PKD1L3: variants seen among roughly 807,000 people sequenced by gnomAD.
The protein encoded by PKD1L3 is polycystin 1 like 3, transient receptor potential channel interacting.
Under a neutral mutation model 184.1 loss-of-function variants are expected in PKD1L3, and 239 were observed. That is an observed-to-expected ratio of 1.30 (90% CI 1.17 to 1.45). PKD1L3 has a LOEUF of 1.45. PKD1L3 is among the 40% of genes most tolerant of loss of function. PKD1L3 has a pLI of 0.00. For missense variants in PKD1L3, 2,660 were observed against 2,067.2 expected, an observed-to-expected ratio of 1.29 and a Z score of -5.56; for synonymous variants, 996 against 778.8, an observed-to-expected ratio of 1.28 and a Z score of -4.64.
At chr16:71,972,591 G>T (rs535067202) in intron 12 of PKD1L3, among the ~76,000 whole-genome samples, 6 of 152,108 alleles carry the variant, frequency 3.9e-5, no homozygotes, top group African/African-American at 1.4e-4. Flanking sequence ...GTTTGAGGCA[G>T]GCGGATCTTT....
chr16:71,971,539 C>T (rs1180110225), intron 12 of PKD1L3, among the ~76,000 whole-genome samples: 1 of 152,130 alleles, frequency 6.6e-6, no homozygotes, highest in African/African-American at 2.4e-5. Flanking sequence ...CTTCAGCGTG[C>T]TTCAAGGAGG....
chr16:71,970,002 T>C lies in PKD1L3; in HGVS notation c.2057A>G (p.Asp686Gly), dbSNP rs762124928. The C allele has an allele frequency of 3.2e-6, 5 of 1,551,606 alleles. No individual in the cohort carries two copies. Among genetic ancestry groups the C allele is most frequent in the Middle Eastern group, 3.3e-4 (2 of 6,014 alleles). ...FVVPRTVNVE[D>G]TIKLFLRVTN... is the part of the protein sequence containing the mutation. ...CACGCGAAGGAACAGTTTGATCGTGTCTTCAACATTCACGGTCCTGGGCAC... is the reference window on the plus strand; with the variant it reads ...CACGCGAAGGAACAGTTTGATCGTGCCTTCAACATTCACGGTCCTGGGCAC... Residue 686 changes from aspartate to glycine, a missense_variant, in exon 13 of 30, where the codon GAC (aspartate) becomes GGC (glycine). Coordinates refer to ENST00000620267, the MANE Select transcript of PKD1L3 (RefSeq NM_181536.2).
At chr16:71,968,866 G>C (rs889914425) in intron 13 of PKD1L3, among the ~76,000 whole-genome samples, 1 of 151,874 alleles carries the variant, frequency 6.6e-6, no homozygotes, top group Non-Finnish European at 1.5e-5. Context: ...AGTGTGCTGG[G>C]ATTATAGGCG....
chr16:71,960,927 G>C (rs973372151), intron 16 of PKD1L3, among the ~76,000 whole-genome samples: 2 of 152,066 alleles, frequency 1.3e-5, no homozygotes, highest in African/African-American at 4.8e-5. Flanking sequence ...AACTGTATCA[G>C]GTCTAGGGAG....
rs779019786 is a variant in PKD1L3 at position 71,993,264 on chromosome 16, T to A, written c.487A>T (p.Lys163Ter). 1.9e-6 allele frequency: 3 copies of A among 1,550,982 alleles called. No homozygotes were observed. In the South Asian group the frequency reaches 3.6e-5, roughly 18 times the overall value. ...GNNSHLYQRH[K>*]KTKRGVAIAR... The stretch of plus-strand genomic sequence containing the variant: ...ATTGCAACTCCTCTTTTTGTCTTCT[T>A]GTGTCTCTGGTACAAATGGGAATTA... The change falls in exon 3 of 30, where the codon AAG becomes TAG. Residue 163 changes from lysine to a stop codon, truncating the protein, a stop_gained. Coordinates refer to ENST00000620267, the MANE Select transcript of PKD1L3 (RefSeq NM_181536.2). LOFTEE classifies it high-confidence loss of function.
At chr16:71,977,748 G>A (rs1427884284) in intron 10 of PKD1L3, among the ~76,000 whole-genome samples, 1 of 151,316 alleles carries the variant, frequency 6.6e-6, no homozygotes. Flanking sequence ...TTAAGGATAA[G>A]TACATAGTCC....
intron 11 of PKD1L3, among the ~76,000 whole-genome samples, chr16:71,975,151 G>A (rs1312805375): frequency 2.0e-5 from 3 of 151,932 alleles, no homozygotes; most frequent in Admixed American, 2.0e-4. Context: ...GAACTCCTTG[G>A]CTCAAGCAAT....
At chr16:71,983,657 C>CT (rs1567544670) in intron 6 of PKD1L3, among the ~76,000 whole-genome samples, 1 of 53,086 alleles carries the variant, frequency 1.9e-5, no homozygotes, top group African/African-American at 8.0e-5. Context: ...TCTCCAGATT[C>CT]TCTTTCTTTT....
At chr16:71,959,440 A>G (rs1033456804) in intron 16 of PKD1L3, among the ~76,000 whole-genome samples, 2 of 152,160 alleles carry the variant, frequency 1.3e-5, no homozygotes, top group South Asian at 2.1e-4. Context: ...AAACAAACAA[A>G]AAACAAAGAA....
At chr16:71,953,874 C>A (rs1472191897) in intron 17 of PKD1L3, among the ~76,000 whole-genome samples, 4 of 152,152 alleles carry the variant, frequency 2.6e-5, no homozygotes, top group Non-Finnish European at 5.9e-5. Context: ...CCACATGATT[C>A]TGTTTCTTTC....
At position 71,993,316 on chromosome 16, in the gene PKD1L3, T is replaced by C; in HGVS notation, c.435A>G (p.Gly145=). ...FICQTGDFLD[G]DAHYERNGNN... The stretch of plus-strand genomic sequence containing the variant: ...TTCCATTTCTTTCATAATGGGCATC[T>C]CCGTCCAAAAAGTCACCTATTTGAA... The change falls in exon 3 of 30, where the codon GGA becomes GGG. Residue 145 remains glycine, a synonymous_variant. Coordinates refer to ENST00000620267, the MANE Select transcript of PKD1L3 (RefSeq NM_181536.2). 1 of 1,547,824 alleles carries C rather than the reference T, an allele frequency of 6.5e-7. No individual in the cohort carries two copies. The highest frequency in any genetic ancestry group is 8.7e-7 in the Non-Finnish European group (1 of 1,145,646).
At position 71,954,289 on chromosome 16, in the gene PKD1L3, GGAAAACAGATGTCT is replaced by G; in HGVS notation, c.2613-2_2624del. 1 of 1,537,242 alleles carries G rather than the reference GGAAAACAGATGTCT, an allele frequency of 6.5e-7. No homozygotes were observed. The highest frequency in any genetic ancestry group is 8.8e-7 in the Non-Finnish European group (1 of 1,141,118). On this transcript the variant is annotated splice_acceptor_variant and coding_sequence_variant, in exon 17 of 30. Coordinates refer to ENST00000620267, the MANE Select transcript of PKD1L3 (RefSeq NM_181536.2). LOFTEE classifies it high-confidence loss of function. ...GGGTGAACTTTTCCACAATCATGGA[GGAAAACAGATGTCT>G]GAAAAGAGAAATCAGAAGAGGAAAT... is the stretch of plus-strand genomic sequence containing the variant.
chr16:71,976,264 CTT>C (rs71153688), intron 11 of PKD1L3, among the ~76,000 whole-genome samples: 5 of 81,754 alleles, frequency 6.1e-5, no homozygotes, highest in South Asian at 5.5e-4. Context: ...CCCAGCCTGT[CTT>C]TTTTTTTTTT....
intron 17 of PKD1L3, among the ~76,000 whole-genome samples, chr16:71,953,400 A>AAGAGGTTTAATTGACTCAC (rs199518982): frequency 0.72 from 109,670 of 151,794 alleles, 40,262 homozygotes; most frequent in East Asian, 0.97. Context: ...TTATAAAGAA[A>AAGAGGTTTAATTGACTCAC]AGTTCTTCAT....
At position 71,933,790 on chromosome 16, in the gene PKD1L3, G is replaced by GA. The variant is rs1469756497; in HGVS notation, c.4824+124dup. The GA allele has an allele frequency of 5.6e-6, 6 of 1,070,956 alleles. No homozygotes were observed. In the African/African-American group the frequency reaches 9.5e-5, roughly 17 times the overall value. 66.3% of individuals were successfully genotyped at this position (1,070,956 alleles called of 1,614,324 possible). ...GTCATACCAGTTAAGTGTGGAACTAGATCTAAACCCGGCTTTCCTACTGTA... is the reference window on the plus strand; with the variant it reads ...GTCATACCAGTTAAGTGTGGAACTAGAATCTAAACCCGGCTTTCCTACTGTA... On this transcript the variant is annotated intron_variant, in intron 27 of 29. Coordinates refer to ENST00000620267, the MANE Select transcript of PKD1L3 (RefSeq NM_181536.2).
intron 19 of PKD1L3, among the ~76,000 whole-genome samples, chr16:71,951,283 G>C (rs1451360580): frequency 1.3e-5 from 2 of 152,152 alleles, no homozygotes; most frequent in Non-Finnish European, 2.9e-5. Context: ...CAGGTAATCT[G>C]CCCACCTCGG....
chr16:71,964,379 C>A (rs1161387187), intron 15 of PKD1L3, among the ~76,000 whole-genome samples: 2 of 111,240 alleles, frequency 1.8e-5, no homozygotes, highest in Non-Finnish European at 3.3e-5. Flanking sequence ...CACTCTCTTG[C>A]ACAGGCTGGA....
rs542528373 is a variant in PKD1L3, at chr16:71,943,858, G to T, written c.3859+172C>A. Among the ~76,000 whole-genome samples the T allele has an allele frequency of 3.3e-5, 5 of 152,338 alleles. No homozygotes were observed. In the South Asian group the frequency reaches 1.0e-3, roughly 32 times the overall value. ...AAAACCTCTAGACTCCAAGGTCAGG[G>T]ATCTGTCCAGTTACCATCCCACCTG... On this transcript the variant is annotated intron_variant, in intron 23 of 29. Coordinates refer to ENST00000620267, the MANE Select transcript of PKD1L3 (RefSeq NM_181536.2).
intron 23 of PKD1L3, 79 bp from the exon 24 acceptor site, chr16:71,943,103 G>C (rs1253255290): frequency 8.3e-7 from 1 of 1,205,966 alleles, no homozygotes; most frequent in Non-Finnish European, 1.2e-6. Flanking sequence ...TTTTTCCTAA[G>C]TCTATAGACT....
Sources: gnomAD v4.1 joint callset for allele counts (sites outside exome capture counted in the v4.1 genomes callset) on GRCh38, gnomAD v4.1.1 for gene constraint, MANE v1.5 for transcripts, NCBI Gene and HGNC (gene_info 2026-07-23, HGNC 2026-07-21) for gene names.